ITPR1: variants seen among roughly 807,000 people sequenced by gnomAD.
The protein encoded by ITPR1 is inositol 1,4,5-trisphosphate receptor type 1.
A neutral mutation model predicts 318.4 loss-of-function variants in ITPR1; 96 were observed. The observed-to-expected ratio is 0.30, with a 90% CI of 0.26 to 0.36. ITPR1 has a LOEUF of 0.36. Among genes scored for constraint, ITPR1 ranks in the 10% least tolerant of loss-of-function variants. ITPR1 has a pLI of 1.00. For synonymous variants in ITPR1, 1,312 were observed against 1,289.9 expected, an observed-to-expected ratio of 1.02 and a Z score of -0.37; for missense variants, 2,440 against 3,460.2, an observed-to-expected ratio of 0.71 and a Z score of 7.40.
At chr3:4,667,651 A>G (rs776578084) in intron 18 of ITPR1, 102 bp downstream of exon 18, 31 of 1,129,724 alleles carry the variant, frequency 2.7e-5, no homozygotes, top group African/African-American at 1.1e-4. Flanking sequence ...GCTAGTGACA[A>G]GTTTTGATTA....
At chr3:4,661,130 C>T (rs758885029) in intron 14 of ITPR1, 43 bp downstream of exon 14, 6 of 1,190,104 alleles carry the variant, frequency 5.0e-6, no homozygotes, top group Middle Eastern at 1.9e-4. Context: ...TCTCGTGTTT[C>T]CTAATGAAAG....
chr3:4,507,502 T>C (rs963344869), intron 2 of ITPR1, among the ~76,000 whole-genome samples: 1 of 152,198 alleles, frequency 6.6e-6, no homozygotes, highest in African/African-American at 2.4e-5. Flanking sequence ...TTTTCAGTTG[T>C]TTTTGTGAAA....
Position 4,788,169 on chromosome 3 carries a change from G to C in ITPR1, c.6808+30G>C, listed in dbSNP as rs552344697. The C allele has an allele frequency of 1.9e-6, 3 of 1,547,894 alleles. No homozygotes were observed. In the Admixed American group the frequency reaches 5.6e-5, roughly 29 times the overall value. ...GTTCCAACGCATCAGCAACAACACA[G>C]AGAGACACAGTTCTGGGATTTCACA... is the stretch of plus-strand genomic sequence containing the variant. On this transcript the variant is annotated intron_variant, in intron 52 of 61. Coordinates refer to ENST00000649015, the MANE Select transcript of ITPR1 (RefSeq NM_001378452.1).
At position 4,706,304 on chromosome 3, in the gene ITPR1, G is replaced by A. The variant is rs1229602704; in HGVS notation, c.4795G>A (p.Val1599Ile). ...SARNAARRDS[V>I]LAASRDYRNI... ...CCGCAATGCCGCACGCAGGGACTCT[G>A]TTCTGGCAGCTTCCAGAGACTACCG... The change falls in exon 37 of 62, where the codon GTT (valine) becomes ATT (isoleucine). Residue 1599 changes from valine (V) to isoleucine (I), a missense_variant. Coordinates refer to ENST00000649015, the MANE Select transcript of ITPR1 (RefSeq NM_001378452.1). 6.2e-7 allele frequency: 1 copy of A among 1,613,796 alleles called. No individual in the cohort carries two copies. The highest frequency in any genetic ancestry group is 8.5e-7 in the Non-Finnish European group (1 of 1,179,810).
chr3:4,675,484 GT>G (rs1388616203), intron 23 of ITPR1, among the ~76,000 whole-genome samples: 4 of 152,108 alleles, frequency 2.6e-5, no homozygotes, highest in Non-Finnish European at 4.4e-5. Flanking sequence ...ATTTTATTTT[GT>G]ATTTATGTGT....
At chr3:4,799,003 CTG>C (rs2048059365) in intron 53 of ITPR1, among the ~76,000 whole-genome samples, 1 of 152,204 alleles carries the variant, frequency 6.6e-6, no homozygotes, top group Non-Finnish European at 1.5e-5. Flanking sequence ...TGTATCTTGA[CTG>C]TGGTGACAAT....
intron 4 of ITPR1, among the ~76,000 whole-genome samples, chr3:4,611,449 A>G (rs2125100743): frequency 6.6e-6 from 1 of 151,948 alleles, no homozygotes; most frequent in East Asian, 1.9e-4. Context: ...AATCCTAGCT[A>G]CTTGGGAGGC....
intron 61 of ITPR1, among the ~76,000 whole-genome samples, chr3:4,838,368 T>A (rs1047578384): frequency 3.5e-5 from 5 of 144,484 alleles, no homozygotes; most frequent in Admixed American, 2.7e-4. Flanking sequence ...ATTTGGCAGA[T>A]GTTCTGCAGG....
At chr3:4,662,305 G>T (rs745751830) in intron 15 of ITPR1, 63 bp downstream of exon 15, 109 of 1,374,614 alleles carry the variant, frequency 7.9e-5, no homozygotes, top group Non-Finnish European at 1.0e-4. Context: ...GACATCCATG[G>T]GGTGGAGTGA....
At position 4,545,600 on chromosome 3, in the gene ITPR1, G is replaced by A. The variant is rs377526561; in HGVS notation, c.163+24506G>A. Among the ~76,000 whole-genome samples the A allele has an allele frequency of 1.5e-4, 21 of 141,160 alleles. 1 individual carries two copies. The East Asian group carries it at 3.6e-3, about 24-fold the overall frequency. 92.6% of individuals were successfully genotyped at this position (141,160 alleles called of 152,430 possible). On this transcript the variant is annotated intron_variant, in intron 4 of 61. Coordinates refer to ENST00000649015, the MANE Select transcript of ITPR1 (RefSeq NM_001378452.1). ...ACTGTGCCACTGCACTGCAGCCTGGGCAACAGAACGGGACCCGGTCTCAAA... is the reference window on the plus strand; with the variant it reads ...ACTGTGCCACTGCACTGCAGCCTGGACAACAGAACGGGACCCGGTCTCAAA...
intron 60 of ITPR1, among the ~76,000 whole-genome samples, chr3:4,832,452 C>T (rs1209952030): frequency 6.6e-6 from 1 of 152,076 alleles, no homozygotes; most frequent in Non-Finnish European, 1.5e-5. Flanking sequence ...GTCAGGAGTT[C>T]AAGACCAGTC....
chr3:4,836,450 T>G (rs1337107309), intron 60 of ITPR1, among the ~76,000 whole-genome samples: 1 of 152,142 alleles, frequency 6.6e-6, no homozygotes, highest in African/African-American at 2.4e-5. Flanking sequence ...AAAACCAAAC[T>G]CATCAGCCAT....
intron 5 of ITPR1, among the ~76,000 whole-genome samples, chr3:4,633,704 T>A (rs900250296): frequency 6.6e-6 from 1 of 152,228 alleles, no homozygotes; most frequent in Admixed American, 6.5e-5. Flanking sequence ...GCAAATCACA[T>A]AAATTTCTTC....
At chr3:4,829,951 A>C (rs1393656946) in intron 60 of ITPR1, among the ~76,000 whole-genome samples, 1 of 129,058 alleles carries the variant, frequency 7.7e-6, no homozygotes, top group African/African-American at 2.9e-5. Flanking sequence ...AACATGTATA[A>C]CAGTTTTTTT....
At chr3:4,726,688 C>T (rs192247808) in intron 41 of ITPR1, among the ~76,000 whole-genome samples, 40 of 152,212 alleles carry the variant, frequency 2.6e-4, no homozygotes, top group Non-Finnish European at 3.4e-4. Flanking sequence ...TGGGGAAAGC[C>T]GTGGTCCCAT....
At chr3:4,723,641 G>C (rs1239205828) in intron 40 of ITPR1, among the ~76,000 whole-genome samples, 1 of 151,412 alleles carries the variant, frequency 6.6e-6, no homozygotes, top group Non-Finnish European at 1.5e-5. Flanking sequence ...AGAGAGCACA[G>C]GCAAGAGAAT....
chr3:4,533,999 C>G (rs1011900137), intron 4 of ITPR1, among the ~76,000 whole-genome samples: 2 of 152,358 alleles, frequency 1.3e-5, no homozygotes, highest in Non-Finnish European at 2.9e-5. Flanking sequence ...TTCCCTGCCC[C>G]CAACGTGCTC....
chr3:4,647,432 C>T (rs1376011045), intron 10 of ITPR1, among the ~76,000 whole-genome samples: 5 of 152,148 alleles, frequency 3.3e-5, no homozygotes, highest in Non-Finnish European at 2.9e-5. Context: ...AGTGGATTGG[C>T]TGGATCATAT....
chr3:4,801,473 G>C (rs1387277612), intron 54 of ITPR1, among the ~76,000 whole-genome samples: 1 of 152,090 alleles, frequency 6.6e-6, no homozygotes, highest in Non-Finnish European at 1.5e-5. Flanking sequence ...TAGGGCTTAA[G>C]GAATGGAGGG....
Sources: allele counts gnomAD v4.1 joint callset (sites outside exome capture counted in the v4.1 genomes callset), GRCh38; gene constraint gnomAD v4.1.1; transcripts MANE v1.5; gene names NCBI Gene and HGNC (gene_info 2026-07-23, HGNC 2026-07-21).